The following RAP1GDS1 variants were observed in gnomAD, a reference collection of about 807,000 sequenced individuals.
RAP1GDS1 encodes the protein RAP1, GTP-GDP dissociation stimulator 1.
Under a neutral mutation model 71.1 loss-of-function variants are expected in RAP1GDS1, and 35 were observed. The ratio of observed to expected loss-of-function variants is 0.49; its 90% confidence interval spans 0.38 to 0.65. RAP1GDS1 has a LOEUF of 0.65. Among genes scored for constraint, RAP1GDS1 ranks in the 30% least tolerant of loss-of-function variants. The pLI is 0.00. For synonymous variants in RAP1GDS1, 229 were observed against 243.1 expected (o/e 0.94, Z 0.54); for missense variants, 663 against 706.1 (o/e 0.94, Z 0.69).
In RAP1GDS1 at chr4:98,406,069, A is replaced by G. The variant is rs569323916; in HGVS notation, c.763+1467A>G. On this transcript the variant is annotated intron_variant, in intron 7 of 14. Transcript: ENST00000408927. ...CTAAAGTAATTTTTTAAAATGATAT[A>G]TAGCTGCAGAACAAATGGAAGCGAC... Among the ~76,000 whole-genome samples the G allele has an allele frequency of 1.1e-4, 17 of 152,186 alleles. No individual in the cohort carries two copies. The South Asian group carries it at 3.3e-3, about 30-fold the overall frequency.
At chr4:98,269,400 A>G (rs1005430577) in intron 1 of RAP1GDS1, among the ~76,000 whole-genome samples, 1 of 152,106 alleles carries the variant, frequency 6.6e-6, no homozygotes, top group African/African-American at 2.4e-5. Context: ...GAAGCTCCAT[A>G]AGATTGGTGT....
At chr4:98,278,784 T>A (rs535355844) in intron 1 of RAP1GDS1, among the ~76,000 whole-genome samples, 16 of 152,332 alleles carry the variant, frequency 1.1e-4, no homozygotes, top group Non-Finnish European at 1.8e-4. Context: ...ATGGAAACTT[T>A]CAAGCTCAGT....
chr4:98,406,136 A>C (rs1206390037), intron 7 of RAP1GDS1, among the ~76,000 whole-genome samples: 1 of 152,048 alleles, frequency 6.6e-6, no homozygotes, highest in Non-Finnish European at 1.5e-5. Context: ...GCAAAACAAG[A>C]AAAAAGAGGA....
chr4:98,395,238 A>G (rs1254772991), intron 6 of RAP1GDS1, among the ~76,000 whole-genome samples: 1 of 152,194 alleles, frequency 6.6e-6, no homozygotes, highest in Non-Finnish European at 1.5e-5. Flanking sequence ...TATATATATA[A>G]TAGGCATAGC....
chr4:98,422,041 C>CA (rs970504324), intron 12 of RAP1GDS1, among the ~76,000 whole-genome samples: 21 of 149,608 alleles, frequency 1.4e-4, no homozygotes, highest in African/African-American at 3.2e-4. Flanking sequence ...ACTAAAAATA[C>CA]AAAAAAAAAT....
At chr4:98,283,817 AT>A (rs10582639) in intron 1 of RAP1GDS1, among the ~76,000 whole-genome samples, 41,615 of 133,866 alleles carry the variant, frequency 0.31, 5,644 homozygotes, top group African/African-American at 0.4. Flanking sequence ...TTTCATTGTG[AT>A]TTTTTTTTTT....
At chr4:98,411,473 T>A (rs191977398) in intron 7 of RAP1GDS1, among the ~76,000 whole-genome samples, 4 of 152,334 alleles carry the variant, frequency 2.6e-5, no homozygotes, top group Admixed American at 2.6e-4. Context: ...ATTAAAATTT[T>A]AAAACTACAA....
At chr4:98,282,420 A>T (rs1054110279) in intron 1 of RAP1GDS1, among the ~76,000 whole-genome samples, 1 of 152,046 alleles carries the variant, frequency 6.6e-6, no homozygotes, top group Non-Finnish European at 1.5e-5. Context: ...GTATTCTCTG[A>T]TGGTAGTTTA....
In RAP1GDS1 at chr4:98,290,424, T is replaced by A. The variant is rs183921254; in HGVS notation, c.5-2984T>A. On this transcript the variant is annotated intron_variant, in intron 1 of 14. Transcript: ENST00000408927. ...ATCTTAAGTACTTTTATGGTCAAAT[T>A]ATTTAAATATTAAAACAGCATCACT... Among the ~76,000 whole-genome samples the A allele has an allele frequency of 1.5e-4, 23 of 152,208 alleles. No homozygotes were observed. In the East Asian group the frequency reaches 4.4e-3, roughly 29 times the overall value.
chr4:98,279,113 A>G (rs1281297058), intron 1 of RAP1GDS1, among the ~76,000 whole-genome samples: 1 of 152,070 alleles, frequency 6.6e-6, no homozygotes, highest in East Asian at 1.9e-4. Flanking sequence ...AGTCCCAGCT[A>G]CTTGGGAGGC....
chr4:98,330,755 A>G (rs146893143), intron 2 of RAP1GDS1, among the ~76,000 whole-genome samples: 19,261 of 146,204 alleles, frequency 0.13, 1,826 homozygotes, highest in African/African-American at 0.26. Flanking sequence ...CCAGGCAGAG[A>G]CACTCCTCAC....
At chr4:98,383,247 A>G (rs1435038544) in intron 5 of RAP1GDS1, among the ~76,000 whole-genome samples, 3 of 151,618 alleles carry the variant, frequency 2.0e-5, no homozygotes, top group Non-Finnish European at 4.4e-5. Context: ...GTGGTAAATG[A>G]TAAGCATTAA....
At chr4:98,417,592 A>T in intron 9 of RAP1GDS1, 94 bp downstream of exon 9, 1 of 1,287,764 alleles carries the variant, frequency 7.8e-7, no homozygotes, top group Non-Finnish European at 1.1e-6. Flanking sequence ...AACAGTTTAG[A>T]AGTTGTGTAA....
intron 7 of RAP1GDS1, among the ~76,000 whole-genome samples, chr4:98,407,293 T>C (rs1213841401): frequency 3.9e-5 from 6 of 152,098 alleles, no homozygotes; most frequent in Non-Finnish European, 8.8e-5. Context: ...TAATCTGCAC[T>C]TGTACTCCCT....
intron 2 of RAP1GDS1, among the ~76,000 whole-genome samples, chr4:98,326,116 T>A (rs1053103032): frequency 2.0e-5 from 3 of 151,520 alleles, no homozygotes; most frequent in Non-Finnish European, 2.9e-5. Context: ...TACTTTTTTT[T>A]AAAGTGCTTT....
chr4:98,299,488 G>A (rs1233370902), intron 2 of RAP1GDS1, among the ~76,000 whole-genome samples: 1 of 152,202 alleles, frequency 6.6e-6, no homozygotes, highest in Non-Finnish European at 1.5e-5. Flanking sequence ...TGAAGTAACT[G>A]TAGATGTGGT....
At chr4:98,308,827 T>G (rs1349238745) in intron 2 of RAP1GDS1, among the ~76,000 whole-genome samples, 1 of 152,088 alleles carries the variant, frequency 6.6e-6, no homozygotes, top group African/African-American at 2.4e-5. Context: ...AAATGACTAT[T>G]AAAACATCTG....
intron 2 of RAP1GDS1, among the ~76,000 whole-genome samples, chr4:98,312,841 G>T (rs1042283541): frequency 2.0e-5 from 3 of 151,706 alleles, no homozygotes; most frequent in Admixed American, 2.0e-4. Flanking sequence ...AGGCTGAGGC[G>T]GGTGGATCGC....
chr4:98,374,593 T>C (rs1004356703), intron 4 of RAP1GDS1, among the ~76,000 whole-genome samples: 5 of 152,178 alleles, frequency 3.3e-5, no homozygotes, highest in African/African-American at 1.2e-4. Context: ...CAGTATTTAA[T>C]CTCTGGAATT....
Sources: gnomAD v4.1 joint callset for allele counts (sites outside exome capture counted in the v4.1 genomes callset) on GRCh38, gnomAD v4.1.1 for gene constraint, MANE v1.5 for transcripts, NCBI Gene and HGNC (gene_info 2026-07-23, HGNC 2026-07-21) for gene names.